Variants in BCLAF3 observed in about 807,000 individuals in gnomAD.
The protein encoded by BCLAF3 is transient octamer binding factor 1.
BCLAF3 carries 24 observed loss-of-function variants against 51.2 expected under a neutral mutation model. The ratio of observed to expected loss-of-function variants is 0.47; its 90% confidence interval spans 0.34 to 0.66. BCLAF3 has a LOEUF of 0.66. Among genes scored for constraint, BCLAF3 ranks in the 30% least tolerant of loss-of-function variants. BCLAF3 has a pLI of 0.01. For missense variants in BCLAF3, 465 were observed against 525.1 expected (o/e 0.89, Z 1.12); for synonymous variants, 152 against 176.6 (o/e 0.86, Z 1.10).
At chrX:19,957,314 G>A (rs1050703481) in intron 4 of BCLAF3, among the ~76,000 whole-genome samples, 1 of 111,905 alleles carries the variant, frequency 8.9e-6, no homozygotes, top group African/African-American at 3.3e-5. Context: ...AGAACACCCC[G>A]TAACGACCTC....
At chrX:19,951,980 T>C (rs1377103786) in intron 7 of BCLAF3, among the ~76,000 whole-genome samples, 1 of 111,698 alleles carries the variant, frequency 9.0e-6, no homozygotes, top group African/African-American at 3.3e-5. Context: ...TTCAGAGATT[T>C]TACATAAAAG....
intron 1 of BCLAF3, among the ~76,000 whole-genome samples, chrX:19,984,332 C>A (rs1006228443): frequency 9.0e-6 from 1 of 110,656 alleles, no homozygotes; most frequent in Non-Finnish European, 1.9e-5. Context: ...TTTAATACAT[C>A]ATTCTTTGTA....
intron 11 of BCLAF3, chrX:19,918,088 A>G (rs1407483422): frequency 8.9e-6 from 1 of 111,941 alleles, no homozygotes; most frequent in Non-Finnish European, 1.9e-5. Context: ...CTAGGATCTT[A>G]CACTATTAAA....
intron 1 of BCLAF3, among the ~76,000 whole-genome samples, chrX:19,984,481 C>T (rs2072729976): frequency 9.0e-6 from 1 of 111,090 alleles, no homozygotes; most frequent in African/African-American, 3.3e-5. Context: ...GCTCACACCA[C>T]ATTCATCAAA....
intron 2 of BCLAF3, among the ~76,000 whole-genome samples, 158 bp downstream of exon 2, chrX:19,970,066 G>C (rs1161710852): frequency 8.9e-6 from 1 of 112,247 alleles, no homozygotes; most frequent in Non-Finnish European, 1.9e-5. Context: ...ATTAAACAAA[G>C]CTGTCAGCTA....
chrX:19,969,256 T>C (rs5955582), intron 2 of BCLAF3, among the ~76,000 whole-genome samples: 1 of 112,923 alleles, frequency 8.9e-6, no homozygotes, highest in African/African-American at 3.2e-5. Flanking sequence ...TGAAAACTGT[T>C]GACAAAATGA....
At chrX:19,984,189 A>C (rs1472765635) in intron 1 of BCLAF3, among the ~76,000 whole-genome samples, 1 of 110,735 alleles carries the variant, frequency 9.0e-6, no homozygotes, top group African/African-American at 3.3e-5. Context: ...TAATCCCAAA[A>C]GCCACACCCC....
chrX:19,963,575 T>C (rs2071938883), intron 4 of BCLAF3, among the ~76,000 whole-genome samples: 1 of 111,914 alleles, frequency 8.9e-6, no homozygotes, highest in Non-Finnish European at 1.9e-5. Flanking sequence ...TTCCCCCCCT[T>C]TATTTCTTGA....
At chrX:19,923,887 G>A (rs1366823262) in intron 11 of BCLAF3, among the ~76,000 whole-genome samples, 1 of 106,680 alleles carries the variant, frequency 9.4e-6, no homozygotes, top group Non-Finnish European at 1.9e-5. Context: ...TGTCACCCAG[G>A]CTGGAGTCCT....
At chrX:19,988,348 A>G (rs1262490309) in intron 1 of BCLAF3, among the ~76,000 whole-genome samples, 1 of 112,473 alleles carries the variant, frequency 8.9e-6, no homozygotes, top group East Asian at 2.8e-4. Flanking sequence ...TAAAACAAAA[A>G]ACTTCAAATT....
intron 11 of BCLAF3, among the ~76,000 whole-genome samples, chrX:19,918,524 C>G (rs756038007): frequency 7.6e-5 from 8 of 104,988 alleles, no homozygotes; most frequent in African/African-American, 2.1e-4. Context: ...AAAAGCCCCC[C>G]CAACCCGGCC....
intron 4 of BCLAF3, among the ~76,000 whole-genome samples, chrX:19,963,427 C>T (rs1257843099): frequency 9.1e-6 from 1 of 110,087 alleles, no homozygotes; most frequent in Admixed American, 9.7e-5. Context: ...TATAATAGCA[C>T]AAAATTATTT....
At chrX:19,945,496 A>G (rs969252969) in intron 8 of BCLAF3, among the ~76,000 whole-genome samples, 3 of 99,790 alleles carry the variant, frequency 3.0e-5, no homozygotes, top group African/African-American at 8.6e-5. Flanking sequence ...TCTAACAGAC[A>G]GCACCCTCAG....
At chrX:19,977,498 G>C (rs1420948557) in intron 1 of BCLAF3, among the ~76,000 whole-genome samples, 1 of 112,344 alleles carries the variant, frequency 8.9e-6, no homozygotes, top group Non-Finnish European at 1.9e-5. Flanking sequence ...CCAATCCAGA[G>C]CAAGACTCTA....
chrX:19,974,686 C>G (rs1418468725), intron 1 of BCLAF3, among the ~76,000 whole-genome samples: 1 of 110,474 alleles, frequency 9.1e-6, no homozygotes, highest in Non-Finnish European at 1.9e-5. Flanking sequence ...TCGAGACCAT[C>G]CTGGCTAAAA....
chrX:19,966,785 T>C (rs955024429), intron 2 of BCLAF3, 136 bp from the exon 3 acceptor site: 2 of 505,249 alleles, frequency 4.0e-6, no homozygotes, highest in East Asian at 3.6e-5. Flanking sequence ...ATTTGCTACA[T>C]CTGCATTCTA....
chrX:19,965,046 G>T lies in BCLAF3; in HGVS notation c.1272C>A (p.Phe424Leu), dbSNP rs756279061. The change falls in exon 4 of 12, where the codon TTC becomes TTA. Residue 424 changes from phenylalanine to leucine, a missense_variant and splice_region_variant. Physicochemically the swap from Phe to Leu is conservative, Grantham distance 22 (BLOSUM62 0). Coordinates refer to ENST00000379682, the MANE Select transcript of BCLAF3 (RefSeq NM_001367774.2). ...TAAAGAAAAAACAAAGATAATACCT[G>T]AATGTATCTACTGTTTTCTTCACAT... ...KVDVKKTVDTFRVASSYSTER... is the reference protein window; with the variant it reads ...KVDVKKTVDTLRVASSYSTER... 8.8e-7 allele frequency: 1 copy of T among 1,137,090 alleles called. No individual in the cohort carries two copies. The highest frequency in any genetic ancestry group is 3.0e-5 in the Admixed American group (1 of 33,592). 93.7% of individuals were successfully genotyped at this position (1,137,090 alleles called of 1,213,427 possible).
Position 19,978,672 on chromosome X carries a change from G to T in BCLAF3, c.-34-8374C>A, listed in dbSNP as rs571497634. On this transcript the variant is annotated intron_variant, in intron 1 of 11. Transcript: ENST00000379682. ...AGTTGATAAAGCAGTAGCAGGGTTT[G>T]ACAGGTTTACTTTAATTTTGATGGA... Among the ~76,000 whole-genome samples the T allele has an allele frequency of 1.3e-4, 15 of 112,160 alleles. No individual in the cohort carries two copies. In the South Asian group the frequency reaches 2.6e-3, roughly 19 times the overall value.
chrX:19,952,000 T>C (rs2071499928), intron 7 of BCLAF3, among the ~76,000 whole-genome samples: 1 of 111,897 alleles, frequency 8.9e-6, no homozygotes, highest in South Asian at 3.7e-4. Flanking sequence ...GGAATGTTAT[T>C]ATGGATCACG....
Sources: gnomAD v4.1 joint callset for allele counts (sites outside exome capture counted in the v4.1 genomes callset) on GRCh38, gnomAD v4.1.1 for gene constraint, MANE v1.5 for transcripts, NCBI Gene and HGNC (gene_info 2026-07-23, HGNC 2026-07-21) for gene names.